PTPRD: variants seen among roughly 807,000 people sequenced by gnomAD.
The protein encoded by PTPRD is receptor-type tyrosine-protein phosphatase delta.
In PTPRD, 34 loss-of-function variants were observed where a neutral mutation model predicts 214.5. That is an observed-to-expected ratio of 0.16 (90% CI 0.12 to 0.21). The LOEUF (loss-of-function observed/expected upper bound fraction) is 0.21. PTPRD is among the 10% of genes least tolerant of loss of function. The probability of loss-of-function intolerance (pLI) is 1.00; values close to 1 mark genes in which losing one functional copy is unlikely to be tolerated. For synonymous variants in PTPRD, 1,128 were observed against 845.7 expected (o/e 1.33, Z -5.79); for missense variants, 2,545 against 2,398.7 (o/e 1.06, Z -1.27).
chr9:8,430,754 T>C (rs747430943), intron 35 of PTPRD, among the ~76,000 whole-genome samples: 3 of 152,172 alleles, frequency 2.0e-5, no homozygotes, highest in African/African-American at 4.8e-5. Flanking sequence ...TCATTTCTCA[T>C]GTGCCTTTCC....
chr9:8,715,144 T>C (rs1471302731), intron 12 of PTPRD, among the ~76,000 whole-genome samples: 3 of 149,622 alleles, frequency 2.0e-5, no homozygotes, highest in Non-Finnish European at 3.0e-5. Flanking sequence ...AAAAAAAAAA[T>C]AGCTGCTGTA....
intron 9 of PTPRD, among the ~76,000 whole-genome samples, chr9:9,290,475 G>T (rs7860238): frequency 0.85 from 128,265 of 151,416 alleles, 54,769 homozygotes; most frequent in Middle Eastern, 0.91. Context: ...GTCACTTGTT[G>T]ATTTTTGTGA....
At chr9:9,512,421 G>C (rs780905546) in intron 8 of PTPRD, among the ~76,000 whole-genome samples, 1 of 151,706 alleles carries the variant, frequency 6.6e-6, no homozygotes, top group East Asian at 1.9e-4. Context: ...AGGTAGAAGG[G>C]TTATCTTCAC....
chr9:9,830,773 A>T (rs2054564958), intron 5 of PTPRD, among the ~76,000 whole-genome samples: 1 of 151,960 alleles, frequency 6.6e-6, no homozygotes, highest in African/African-American at 2.4e-5. Flanking sequence ...TCTTAAGCAG[A>T]CTTTCAAGGC....
intron 8 of PTPRD, among the ~76,000 whole-genome samples, chr9:9,515,605 A>G (rs1036032632): frequency 1.3e-5 from 2 of 152,050 alleles, no homozygotes; most frequent in African/African-American, 2.4e-5. Context: ...ATTCTCAACA[A>G]TTATGATTAC....
intron 5 of PTPRD, among the ~76,000 whole-genome samples, chr9:9,837,828 T>A (rs2057224214): frequency 6.6e-6 from 1 of 152,198 alleles, no homozygotes; most frequent in South Asian, 2.1e-4. Context: ...GCAGGTTAGT[T>A]ACATATGTAT....
At chr9:10,169,181 T>C (rs2099182178) in intron 3 of PTPRD, among the ~76,000 whole-genome samples, 1 of 151,988 alleles carries the variant, frequency 6.6e-6, no homozygotes, top group African/African-American at 2.4e-5. Context: ...AAAAAACCTA[T>C]GAATAAAAGC....
At chr9:9,810,395 T>A (rs968090586) in intron 5 of PTPRD, among the ~76,000 whole-genome samples, 1 of 151,982 alleles carries the variant, frequency 6.6e-6, no homozygotes, top group Non-Finnish European at 1.5e-5. Context: ...AAAGGACTGG[T>A]TTACTCTCTT....
intron 35 of PTPRD, among the ~76,000 whole-genome samples, chr9:8,425,386 T>A (rs1039657002): frequency 6.6e-6 from 1 of 152,162 alleles, no homozygotes; most frequent in Non-Finnish European, 1.5e-5. Context: ...CTCCTTCCTA[T>A]ATTGTTATGA....
intron 7 of PTPRD, among the ~76,000 whole-genome samples, chr9:9,643,550 T>G (rs2096044597): frequency 1.3e-5 from 2 of 152,202 alleles, no homozygotes; most frequent in Non-Finnish European, 2.9e-5. Flanking sequence ...GGTTGATGGA[T>G]GTGATAGCAG....
intron 3 of PTPRD, among the ~76,000 whole-genome samples, chr9:10,066,517 T>C (rs1020267683): frequency 6.6e-5 from 10 of 151,952 alleles, no homozygotes; most frequent in African/African-American, 2.4e-4. Flanking sequence ...TTAGTAGCTC[T>C]TTTCATGGAA....
chr9:9,940,737 T>C (rs1989339), intron 4 of PTPRD, among the ~76,000 whole-genome samples: 13,348 of 152,208 alleles, frequency 0.088, 1,923 homozygotes, highest in African/African-American at 0.3. Flanking sequence ...CTTGTTCTAA[T>C]TGATCATGTA....
chr9:9,239,477 G>T (rs1356675790), intron 9 of PTPRD, among the ~76,000 whole-genome samples: 1 of 152,028 alleles, frequency 6.6e-6, no homozygotes, highest in African/African-American at 2.4e-5. Context: ...CAATTACTTG[G>T]TATATATTAG....
In PTPRD at chr9:9,107,351, C is replaced by T. The variant is rs145038528; in HGVS notation, c.-143+75953G>A. On this transcript the variant is annotated intron_variant, in intron 10 of 45. Coordinates refer to ENST00000381196, the MANE Select transcript of PTPRD (RefSeq NM_002839.4). Reference sequence around the variant, plus strand: ...TGGCGTTAAAACACTAAGAATGTACCGAACAAGCTGCATGCTTGATTGCCA... The same window carrying T: ...TGGCGTTAAAACACTAAGAATGTACTGAACAAGCTGCATGCTTGATTGCCA... Among the ~76,000 whole-genome samples the T allele has an allele frequency of 2.2e-3, 342 of 152,206 alleles. 2 individuals are homozygous for T. Among genetic ancestry groups the T allele is most frequent in the Non-Finnish European group, 2.4e-3 (166 of 68,006 alleles).
chr9:8,803,914 T>G (rs1242579787), intron 11 of PTPRD, among the ~76,000 whole-genome samples: 2 of 151,928 alleles, frequency 1.3e-5, no homozygotes, highest in Non-Finnish European at 2.9e-5. Flanking sequence ...TCTTTTAATA[T>G]CTACTGGATT....
chr9:9,367,053 T>C (rs1377465258), intron 9 of PTPRD, among the ~76,000 whole-genome samples: 1 of 144,992 alleles, frequency 6.9e-6, no homozygotes, highest in Non-Finnish European at 1.5e-5. Context: ...TTAAGAAAAG[T>C]TTAAAAAATA....
chr9:8,604,340 T>C (rs2095069071), intron 14 of PTPRD, among the ~76,000 whole-genome samples: 2 of 152,144 alleles, frequency 1.3e-5, no homozygotes, highest in Admixed American at 6.5e-5. Context: ...TTCAGAGGAA[T>C]AGATTTCCCA....
intron 2 of PTPRD, among the ~76,000 whole-genome samples, chr9:10,370,706 G>T (rs1026520587): frequency 6.6e-6 from 1 of 151,878 alleles, no homozygotes; most frequent in South Asian, 2.1e-4. Flanking sequence ...TAAGAAGCTA[G>T]AATTTTTTCT....
intron 12 of PTPRD, among the ~76,000 whole-genome samples, chr9:8,673,627 T>C (rs2097334375): frequency 6.6e-6 from 1 of 152,210 alleles, no homozygotes; most frequent in Admixed American, 6.5e-5. Context: ...CATTTATGTT[T>C]TTCTCTTTCT....
Sources: allele counts gnomAD v4.1 joint callset (sites outside exome capture counted in the v4.1 genomes callset), GRCh38; gene constraint gnomAD v4.1.1; transcripts MANE v1.5; gene names NCBI Gene and HGNC (gene_info 2026-07-23, HGNC 2026-07-21).